The following ZC3H13 variants were observed in gnomAD, a reference collection of about 807,000 sequenced individuals.
ZC3H13 encodes zinc finger CCCH domain-containing protein 13.
A neutral mutation model predicts 204.1 loss-of-function variants in ZC3H13; 64 were observed. The observed-to-expected ratio is 0.31, with a 90% CI of 0.26 to 0.39. The LOEUF is 0.39. ZC3H13 is among the 10% of genes least tolerant of loss of function. ZC3H13 has a pLI of 1.00. For synonymous variants in ZC3H13, 667 were observed against 693.7 expected (o/e 0.96, Z 0.60); for missense variants, 1,833 against 2,082.7 (o/e 0.88, Z 2.33).
chr13:45,967,603 C>A lies in ZC3H13; in HGVS notation c.4222G>T (p.Asp1408Tyr). The A allele has an allele frequency of 3.1e-6, 5 of 1,614,124 alleles. No homozygotes were observed. Among genetic ancestry groups the A allele is most frequent in the Non-Finnish European group, 4.2e-6 (5 of 1,180,006 alleles). Residue 1408 changes from aspartate (D) to tyrosine (Y), a missense_variant, in exon 15 of 19, where the codon GAC (aspartate) becomes TAC (tyrosine). Around this residue, in one of 5 missense-constraint regions of ZC3H13, gnomAD observed 1,574 missense variants for 1,757.2 expected, o/e 0.90. Coordinates refer to ENST00000679008, the MANE Select transcript of ZC3H13 (RefSeq NM_001330564.2). Reference protein sequence around the residue: ...HERDLESTSRDSLALDKERMD... With the variant: ...HERDLESTSRYSLALDKERMD... ...CTCTCTTTATCCAAGGCTAGAGAGT[C>A]TCGGGAAGTGCTTTCTAGATCCCTT...
Position 45,975,516 on chromosome 13 carries a change from CCT to C in ZC3H13, c.2233_2234del (p.Arg745GlyfsTer37). The C allele has an allele frequency of 6.2e-7, 1 of 1,609,574 alleles. No homozygotes were observed. Among genetic ancestry groups the C allele is most frequent in the Admixed American group, 1.7e-5 (1 of 59,122 alleles). On this transcript the variant is annotated frameshift_variant, in exon 12 of 19. Coordinates refer to ENST00000679008, the MANE Select transcript of ZC3H13 (RefSeq NM_001330564.2). LOFTEE classifies it high-confidence loss of function. ...CTCTTTCTCGTTCCCGTTCTTTTTC[CCT>C]GTCTCGTTCCCTCTCTCTTTCCCGC... The part of the protein sequence containing the change: ...RERERERERD[R>X]EKEREREREE...
rs993122058 is a variant in ZC3H13, at chr13:45,957,307, G to A, written c.4840-10C>T. On this transcript the variant is annotated splice_polypyrimidine_tract_variant and intron_variant, in intron 18 of 18. Transcript: ENST00000679008. The stretch of plus-strand genomic sequence containing the variant: ...CTTGTTTTATGGTGCCCTATTTGAA[G>A]AAAACAAAAACAAACTTTAAAAAAG... 2.0e-6 allele frequency: 3 copies of A among 1,463,992 alleles called. No individual in the cohort carries two copies. Among genetic ancestry groups the A allele is most frequent in the Non-Finnish European group, 2.7e-6 (3 of 1,097,244 alleles). The allele number at this position is 1,463,992 out of a possible 1,614,324, so 90.7% of individuals were successfully genotyped here.
intron 10 of ZC3H13, among the ~76,000 whole-genome samples, chr13:45,982,473 T>C (rs1417450737): frequency 6.6e-6 from 1 of 152,152 alleles, no homozygotes; most frequent in African/African-American, 2.4e-5. Context: ...AGATTTAATC[T>C]GTCTAAAACT....
intron 4 of ZC3H13, among the ~76,000 whole-genome samples, chr13:46,031,082 C>T (rs1177050247): frequency 6.6e-6 from 1 of 152,070 alleles, no homozygotes; most frequent in Non-Finnish European, 1.5e-5. Flanking sequence ...AAATGACAAA[C>T]AGATCAGTGG....
intron 6 of ZC3H13, among the ~76,000 whole-genome samples, 169 bp from the exon 7 acceptor site, chr13:46,010,674 T>C (rs2041491281): frequency 6.6e-6 from 1 of 151,832 alleles, no homozygotes; most frequent in Non-Finnish European, 1.5e-5. Context: ...GGTGAAAGGA[T>C]TGCTTGAGGT....
chr13:45,999,003 G>A (rs2040548332), intron 8 of ZC3H13, among the ~76,000 whole-genome samples: 2 of 152,192 alleles, frequency 1.3e-5, no homozygotes, highest in African/African-American at 4.8e-5. Context: ...TGTTTTGGGA[G>A]GCCAAGGCAG....
intron 11 of ZC3H13, among the ~76,000 whole-genome samples, 198 bp downstream of exon 11, chr13:45,979,615 T>G (rs1953370897): frequency 6.6e-6 from 1 of 152,142 alleles, no homozygotes; most frequent in African/African-American, 2.4e-5. Context: ...CAGTAGGTAC[T>G]GGTCACTAGC....
intron 12 of ZC3H13, among the ~76,000 whole-genome samples, chr13:45,974,765 T>G (rs556827137): frequency 6.6e-6 from 1 of 152,190 alleles, no homozygotes; most frequent in South Asian, 2.1e-4. Context: ...GTGATATCCC[T>G]TGGTGACTAG....
At chr13:45,990,464 A>G (rs2039890386) in intron 8 of ZC3H13, among the ~76,000 whole-genome samples, 1 of 152,316 alleles carries the variant, frequency 6.6e-6, no homozygotes, top group African/African-American at 2.4e-5. Flanking sequence ...GTGACAGTAA[A>G]TGAAAAGTCA....
intron 10 of ZC3H13, among the ~76,000 whole-genome samples, chr13:45,981,510 T>C (rs534379619): frequency 6.6e-6 from 1 of 152,244 alleles, no homozygotes; most frequent in South Asian, 2.1e-4. Context: ...AGTAATGGGA[T>C]GGCTGGGTCA....
In ZC3H13 at chr13:45,969,940, T is replaced by C; in HGVS notation, c.2604A>G (p.Val868=). ...NEKHRLLSQV[V]RPQESRSLSP... is the part of the protein sequence containing the mutation. ...TAAGAGAACGAGATTCTTGAGGTCG[T>C]ACAACTTGGCTCAAGAGTCTGTGTT... The change falls in exon 14 of 19, where the codon GTA becomes GTG. Residue 868 remains valine, a synonymous_variant. Coordinates refer to ENST00000679008, the MANE Select transcript of ZC3H13 (RefSeq NM_001330564.2). 1 of 1,612,458 alleles carries C rather than the reference T, an allele frequency of 6.2e-7. No individual in the cohort carries two copies. The highest frequency in any genetic ancestry group is 1.7e-5 in the Admixed American group (1 of 59,798).
intron 2 of ZC3H13, 106 bp downstream of exon 2, chr13:46,045,285 C>T (rs2139192065): frequency 9.1e-7 from 1 of 1,104,948 alleles, no homozygotes; most frequent in South Asian, 1.5e-5. Context: ...ATTTACTGAA[C>T]AAACATTCCT....
chr13:46,007,562 T>C (rs2404727), intron 7 of ZC3H13, among the ~76,000 whole-genome samples: 114,034 of 152,114 alleles, frequency 0.75, 43,243 homozygotes, highest in African/African-American at 0.85. Context: ...ATAATCACAA[T>C]CTGGACTATT....
chr13:45,968,915 G>C lies in ZC3H13; in HGVS notation c.3629C>G (p.Ser1210Cys), dbSNP rs1198062504. Residue 1210 changes from serine (S) to cysteine (C), a missense_variant, in exon 14 of 19, where the codon TCC (serine) becomes TGC (cysteine). Around this residue, in one of 5 missense-constraint regions of ZC3H13, gnomAD observed 1,574 missense variants for 1,757.2 expected, o/e 0.90. Transcript: ENST00000679008. ...SHTSGRLRSP[S>C]NDSAHRSGDD... ...TCCACTTCGATGGGCTGAATCATTGGATGGGGAGCGAAGACGACCAGACGT... is the reference window on the plus strand; with the variant it reads ...TCCACTTCGATGGGCTGAATCATTGCATGGGGAGCGAAGACGACCAGACGT... 1.2e-6 allele frequency: 2 copies of C among 1,614,172 alleles called. No individual in the cohort carries two copies. Among genetic ancestry groups the C allele is most frequent in the South Asian group, 1.1e-5 (1 of 91,086 alleles).
intron 18 of ZC3H13, among the ~76,000 whole-genome samples, chr13:45,958,647 AGTTTT>A (rs1951440895): frequency 2.1e-5 from 2 of 94,976 alleles, no homozygotes; most frequent in African/African-American, 8.3e-5. Context: ...TAAAAATCCC[AGTTTT>A]TTTTTTTTTT....
intron 11 of ZC3H13, among the ~76,000 whole-genome samples, chr13:45,979,286 C>T (rs1953340573): frequency 6.6e-6 from 1 of 152,054 alleles, no homozygotes; most frequent in Non-Finnish European, 1.5e-5. Flanking sequence ...TAGCTTAAGA[C>T]ATATAAGAAC....
chr13:45,995,012 GA>G (rs750532192), intron 8 of ZC3H13, among the ~76,000 whole-genome samples: 24 of 46,312 alleles, frequency 5.2e-4, no homozygotes, highest in East Asian at 7.1e-4. Flanking sequence ...AACTATCAGT[GA>G]AAAAAAAAAA....
In ZC3H13 at chr13:45,978,559, C is replaced by A. The variant is rs562840467; in HGVS notation, c.1912+1254G>T. Among the ~76,000 whole-genome samples the A allele has an allele frequency of 1.4e-4, 21 of 152,028 alleles. No homozygotes were observed. In the South Asian group the frequency reaches 3.5e-3, roughly 26 times the overall value. Reference sequence around the variant, plus strand: ...AATTATTTTATCATACCTACACTTACAAGGATATTGTAAAGACTAAGTCAG... The same window carrying A: ...AATTATTTTATCATACCTACACTTAAAAGGATATTGTAAAGACTAAGTCAG... On this transcript the variant is annotated intron_variant, in intron 11 of 18. Transcript: ENST00000679008.
intron 5 of ZC3H13, among the ~76,000 whole-genome samples, chr13:46,018,496 C>T (rs1350165206): frequency 1.3e-5 from 2 of 151,988 alleles, no homozygotes; most frequent in East Asian, 1.9e-4. Context: ...ATCAGATCTA[C>T]AATACAAGGG....
Sources: gnomAD v4.1 joint callset for allele counts (sites outside exome capture counted in the v4.1 genomes callset) on GRCh38, gnomAD v4.1.1 for gene constraint, gnomAD v4.1.1 regional missense constraint, MANE v1.5 for transcripts, NCBI Gene and HGNC (gene_info 2026-07-23, HGNC 2026-07-21) for gene names.